The following SH3GL1 variants were observed in gnomAD, a reference collection of about 807,000 sequenced individuals.
SH3GL1 encodes SH3 domain containing GRB2 like 1, endophilin A2.
SH3GL1 carries 21 observed loss-of-function variants against 48.8 expected under a neutral mutation model. That is an observed-to-expected ratio of 0.43 (90% CI 0.30 to 0.62). The LOEUF (loss-of-function observed/expected upper bound fraction) is 0.62. SH3GL1 is among the 20% of genes least tolerant of loss of function. The probability of loss-of-function intolerance (pLI) is 0.11; values close to 1 mark genes in which losing one functional copy is unlikely to be tolerated. For missense variants in SH3GL1, 454 were observed against 503.0 expected (o/e 0.90, Z 0.93); for synonymous variants, 282 against 217.5 (o/e 1.30, Z -2.61).
intron 1 of SH3GL1, among the ~76,000 whole-genome samples, chr19:4,388,947 C>T (rs1219214772): frequency 6.6e-6 from 1 of 152,218 alleles, no homozygotes; most frequent in African/African-American, 2.4e-5. Flanking sequence ...TCAGAGCAGT[C>T]GGACCTGTTC....
intron 7 of SH3GL1, 56 bp from the exon 8 acceptor site, chr19:4,362,792 ACT>A (rs1972660234): frequency 1.9e-6 from 3 of 1,609,984 alleles, no homozygotes; most frequent in Middle Eastern, 1.7e-4. Context: ...AGGCAGCCCC[ACT>A]CTTGTATTTA....
intron 1 of SH3GL1, among the ~76,000 whole-genome samples, chr19:4,396,978 T>G (rs904826622): frequency 2.0e-5 from 3 of 152,204 alleles, no homozygotes; most frequent in Non-Finnish European, 2.9e-5. Flanking sequence ...CCTACTGGTA[T>G]AAAGCATACT....
intron 1 of SH3GL1, among the ~76,000 whole-genome samples, chr19:4,393,967 C>T (rs975446006): frequency 2.0e-5 from 3 of 151,836 alleles, no homozygotes; most frequent in Non-Finnish European, 2.9e-5. Context: ...CTCCCCCAAC[C>T]CCCCTGGCCT....
intron 1 of SH3GL1, among the ~76,000 whole-genome samples, chr19:4,386,140 C>T (rs1012850332): frequency 1.3e-5 from 2 of 152,188 alleles, no homozygotes; most frequent in Non-Finnish European, 2.9e-5. Context: ...CAAAGGCTGG[C>T]CTTGAAGGGC....
At chr19:4,361,947 G>A in intron 9 of SH3GL1, 151 bp from the exon 10 acceptor site, 1 of 635,390 alleles carries the variant, frequency 1.6e-6, no homozygotes, top group Non-Finnish European at 2.7e-6. Flanking sequence ...GCCACTTCTG[G>A]GGTCCGGCCT....
rs1356684694 is a variant in SH3GL1, at chr19:4,367,582, T to G, written c.46-588A>C. ...CCCAGCCCTTGCCCCATGTGGACACTGAGTTTCACAAGGCAGTCAACACAG... is the reference window on the plus strand; with the variant it reads ...CCCAGCCCTTGCCCCATGTGGACACGGAGTTTCACAAGGCAGTCAACACAG... On this transcript the variant is annotated intron_variant, in intron 1 of 9. Coordinates refer to ENST00000269886, the MANE Select transcript of SH3GL1 (RefSeq NM_003025.4). The surrounding 1 kb of genome is among the most constrained non-coding windows in gnomAD (Gnocchi z 4.2). 6.6e-6 allele frequency among the ~76,000 whole-genome samples: 1 copy of G among 152,126 alleles called. No homozygotes were observed. Among genetic ancestry groups the G allele is most frequent in the Admixed American group, 6.5e-5 (1 of 15,274 alleles).
At chr19:4,383,311 CTCAA>C in intron 1 of SH3GL1, among the ~76,000 whole-genome samples, 1 of 152,000 alleles carries the variant, frequency 6.6e-6, no homozygotes, top group Middle Eastern at 3.4e-3. Flanking sequence ...ACTTCCCAAG[CTCAA>C]TCAATCCTCT....
Position 4,367,058 on chromosome 19 carries a change from C to A in SH3GL1, c.46-64G>T. ...GTAGGAGGAAGAAGAGGACAGGAGG[C>A]CCTGAGCCGCCTTCCAGCCACATCG... On this transcript the variant is annotated intron_variant, in intron 1 of 9. Coordinates refer to ENST00000269886, the MANE Select transcript of SH3GL1 (RefSeq NM_003025.4). The surrounding 1 kb of genome is among the most constrained non-coding windows in gnomAD (Gnocchi z 4.2). 6.9e-7 allele frequency: 1 copy of A among 1,446,938 alleles called. No individual in the cohort carries two copies. The highest frequency in any genetic ancestry group is 9.7e-7 in the Non-Finnish European group (1 of 1,028,176). The allele number at this position is 1,446,938 out of a possible 1,614,324, so 89.6% of individuals were successfully genotyped here.
chr19:4,393,945 C>T (rs1973382349), intron 1 of SH3GL1, among the ~76,000 whole-genome samples: 2 of 151,916 alleles, frequency 1.3e-5, no homozygotes, highest in South Asian at 2.1e-4. Context: ...CAGGATCCCC[C>T]GGCAGACAGT....
Position 4,400,206 on chromosome 19 carries a change from A to C in SH3GL1, c.45+118T>G. On this transcript the variant is annotated intron_variant, in intron 1 of 9. Coordinates refer to ENST00000269886, the MANE Select transcript of SH3GL1 (RefSeq NM_003025.4). This position sits in a 1 kb window ranked among gnomAD's most constrained non-coding sequence, Gnocchi z 4.1. ...TTGGTCTTCCCACCTGGCAGGGGACACGCGCCAACGTCCCCACCTCGGTCC... is the reference window on the plus strand; with the variant it reads ...TTGGTCTTCCCACCTGGCAGGGGACCCGCGCCAACGTCCCCACCTCGGTCC... 2 of 1,103,710 alleles carry C rather than the reference A, an allele frequency of 1.8e-6. No individual in the cohort carries two copies. The highest frequency in any genetic ancestry group is 2.5e-6 in the Non-Finnish European group (2 of 789,114). The allele number at this position is 1,103,710 out of a possible 1,614,324, so 68.4% of individuals were successfully genotyped here.
intron 1 of SH3GL1, among the ~76,000 whole-genome samples, chr19:4,368,568 C>T (rs948002650): frequency 4.6e-5 from 7 of 152,222 alleles, no homozygotes; most frequent in African/African-American, 1.4e-4. Context: ...GAATTCCTGG[C>T]CCTCCTCCAA....
chr19:4,366,238 G>A (rs1972775760), intron 3 of SH3GL1, among the ~76,000 whole-genome samples: 1 of 152,208 alleles, frequency 6.6e-6, no homozygotes, highest in Non-Finnish European at 1.5e-5. Context: ...TCCCTGCCAG[G>A]ACTGCTGGCT....
At chr19:4,396,438 GC>G (rs1973426652) in intron 1 of SH3GL1, among the ~76,000 whole-genome samples, 1 of 151,912 alleles carries the variant, frequency 6.6e-6, no homozygotes, top group South Asian at 2.1e-4. Context: ...TACACATGTG[GC>G]TATCTGTGTT....
chr19:4,375,635 A>T (rs1972992470), intron 1 of SH3GL1, among the ~76,000 whole-genome samples: 3 of 152,240 alleles, frequency 2.0e-5, no homozygotes, highest in Admixed American at 2.0e-4. Context: ...CCACACCCAG[A>T]GCTCCAGCCC....
At chr19:4,385,061 G>A (rs1041353224) in intron 1 of SH3GL1, among the ~76,000 whole-genome samples, 41 of 146,760 alleles carry the variant, frequency 2.8e-4, no homozygotes, top group Non-Finnish European at 1.5e-5. Flanking sequence ...CTGAGATTGC[G>A]CCATTGCACT....
At chr19:4,381,965 C>T (rs985213584) in intron 1 of SH3GL1, among the ~76,000 whole-genome samples, 5 of 152,026 alleles carry the variant, frequency 3.3e-5, no homozygotes, top group Non-Finnish European at 5.9e-5. Context: ...CCACACACGA[C>T]GTCTTCAACG....
chr19:4,361,757 AAGTCGT>A lies in SH3GL1; in HGVS notation c.944_949del (p.Tyr315_Asp316del), dbSNP rs1473837848. On this transcript the variant is annotated inframe_deletion, in exon 10 of 10. Coordinates refer to ENST00000269886, the MANE Select transcript of SH3GL1 (RefSeq NM_003025.4). ...CAGCTCCCCGTCGTTCTCGGGCTCG[AAGTCGT>A]ACAGCGCCTTGCAGCTCGGCTGGTC... The A allele has an allele frequency of 6.2e-7, 1 of 1,611,962 alleles. No homozygotes were observed. The highest frequency in any genetic ancestry group is 8.5e-7 in the Non-Finnish European group (1 of 1,179,836).
At chr19:4,386,253 G>A (rs533675642) in intron 1 of SH3GL1, among the ~76,000 whole-genome samples, 1 of 152,316 alleles carries the variant, frequency 6.6e-6, no homozygotes, top group East Asian at 1.9e-4. Context: ...TCCCACAGAG[G>A]CGGGTGGCAA....
chr19:4,394,921 A>G (rs1008459387), intron 1 of SH3GL1, among the ~76,000 whole-genome samples: 1 of 152,228 alleles, frequency 6.6e-6, no homozygotes, highest in African/African-American at 2.4e-5. Context: ...CGATGCCATG[A>G]GCATTCTCTC....
Sources: allele counts gnomAD v4.1 joint callset (sites outside exome capture counted in the v4.1 genomes callset), GRCh38; gene constraint gnomAD v4.1.1; non-coding constraint Gnocchi (gnomAD v3.1); transcripts MANE v1.5; gene names NCBI Gene and HGNC (gene_info 2026-07-23, HGNC 2026-07-21).